The following TMEM14B variants were observed in gnomAD, a reference collection of about 807,000 sequenced individuals.
TMEM14B encodes transmembrane protein 14B.
Under a neutral mutation model 14.8 loss-of-function variants are expected in TMEM14B, and 9 were observed. The observed-to-expected ratio is 0.61, with a 90% CI of 0.37 to 1.06. TMEM14B has a LOEUF of 1.06. TMEM14B is among the 50% of genes least tolerant of loss of function. The pLI, the probability that TMEM14B is intolerant of heterozygous loss-of-function variation, is 0.01. For missense variants in TMEM14B, 128 were observed against 143.6 expected (o/e 0.89, Z 0.56); for synonymous variants, 40 against 51.3 (o/e 0.78, Z 0.94).
chr6:10,751,136 G>A lies in TMEM14B; in HGVS notation c.104G>A (p.Ser35Asn). 6.2e-7 allele frequency: 1 copy of A among 1,613,664 alleles called. No individual in the cohort carries two copies. The highest frequency in any genetic ancestry group is 8.5e-7 in the Non-Finnish European group (1 of 1,179,992). ...AGCTGCGTTTGCTTCCTTCTAGGCA[G>A]CGTGCCGTCCCTGGCTGCAGGGCTG... ...GGIVGYVKTG[S>N]VPSLAAGLLF... Residue 35 changes from serine to asparagine, a missense_variant, in exon 4 of 6, where the codon AGC (serine) becomes AAC (asparagine). Coordinates refer to ENST00000379542, the MANE Select transcript of TMEM14B (RefSeq NM_030969.5).
intron 4 of TMEM14B, among the ~76,000 whole-genome samples, chr6:10,753,080 T>C (rs1424657359): frequency 6.6e-6 from 1 of 151,840 alleles, no homozygotes; most frequent in Non-Finnish European, 1.5e-5. Flanking sequence ...CTACTAAAAA[T>C]ACAAAATTAG....
chr6:10,756,080 TATA>T lies in TMEM14B; in HGVS notation c.294-383_294-381del, dbSNP rs1184148829. ...CTGATCATAGTCGTGATGCTGCCAGTATAATATTTTATACCTGAAGCAAAAGAG... is the reference window on the plus strand; with the variant it reads ...CTGATCATAGTCGTGATGCTGCCAGTATATTTTATACCTGAAGCAAAAGAG... On this transcript the variant is annotated intron_variant, in intron 5 of 5. Coordinates refer to ENST00000379542, the MANE Select transcript of TMEM14B (RefSeq NM_030969.5). Among the ~76,000 whole-genome samples the T allele has an allele frequency of 7.9e-5, 12 of 152,332 alleles. No individual in the cohort carries two copies. The South Asian group carries it at 1.0e-3, about 13-fold the overall frequency.
At chr6:10,748,659 G>A (rs2127493275) in intron 1 of TMEM14B, among the ~76,000 whole-genome samples, 1 of 152,054 alleles carries the variant, frequency 6.6e-6, no homozygotes, top group East Asian at 1.9e-4. Flanking sequence ...TTTTCCAAGG[G>A]TGCAATGTCA....
downstream of TMEM14B, among the ~76,000 whole-genome samples, chr6:10,757,716 C>T (rs1397070984): frequency 3.3e-5 from 5 of 152,194 alleles, no homozygotes; most frequent in East Asian, 5.8e-4. Context: ...AGGAGCTGGG[C>T]GCGGTGGCTC....
Position 10,756,700 on chromosome 6 carries a change from G to T in TMEM14B, c.*182G>T. The T allele has an allele frequency of 7.4e-7, 1 of 1,352,676 alleles. No individual in the cohort carries two copies. The highest frequency in any genetic ancestry group is 9.5e-7 in the Non-Finnish European group (1 of 1,052,208). The allele number at this position is 1,352,676 out of a possible 1,614,324, so 83.8% of individuals were successfully genotyped here. ...TTGTTACCATTATAACCCTACAGAGGTGGTGAGCATGTAACATGAGCTTAT... is the reference window on the plus strand; with the variant it reads ...TTGTTACCATTATAACCCTACAGAGTTGGTGAGCATGTAACATGAGCTTAT... On this transcript the variant is annotated 3_prime_UTR_variant, in exon 6 of 6. Coordinates refer to ENST00000379542, the MANE Select transcript of TMEM14B (RefSeq NM_030969.5).
At position 10,756,613 on chromosome 6, in the gene TMEM14B, G is replaced by C; in HGVS notation, c.*95G>C. The stretch of plus-strand genomic sequence containing the variant: ...TAAGAGAAATAAGTGCAGCATTTTT[G>C]CATCTGACATTTTACCTAAAAAAAA... On this transcript the variant is annotated 3_prime_UTR_variant, in exon 6 of 6. Transcript: ENST00000379542. The C allele has an allele frequency of 2.0e-6, 3 of 1,493,522 alleles. No individual in the cohort carries two copies. The highest frequency in any genetic ancestry group is 1.3e-5 in the South Asian group (1 of 74,976). 92.5% of individuals were successfully genotyped at this position (1,493,522 alleles called of 1,614,324 possible).
At chr6:10,751,803 G>A (rs527427125) in intron 4 of TMEM14B, among the ~76,000 whole-genome samples, 217 of 152,080 alleles carry the variant, frequency 1.4e-3, no homozygotes, top group Non-Finnish European at 2.3e-3. Context: ...AGTAAGACAT[G>A]AGCATAGAAG....
chr6:10,749,402 G>A (rs1771462712), intron 2 of TMEM14B, 134 bp downstream of exon 2: 2 of 1,259,004 alleles, frequency 1.6e-6, no homozygotes, highest in Non-Finnish European at 1.1e-6. Context: ...TGGACCTGTG[G>A]GCCAGAAACT....
chr6:10,758,778 T>C (rs992213312), downstream of TMEM14B, among the ~76,000 whole-genome samples: 1 of 152,104 alleles, frequency 6.6e-6, no homozygotes, highest in African/African-American at 2.4e-5. Flanking sequence ...TGAACTCCTT[T>C]TGTGAGTTGT....
In TMEM14B at chr6:10,756,449, C is replaced by G. The variant is rs150556739; in HGVS notation, c.294-18C>G. 2,335 of 1,613,200 alleles carry G rather than the reference C, an allele frequency of 1.4e-3. 26 individuals carry two copies. The East Asian group carries it at 0.016, about 11-fold the overall frequency. ...CTATCCTTTACCTGATGTTTTCTAT[C>G]TTACTTGTTTTAAACAGTTTGCTGA... On this transcript the variant is annotated intron_variant, in intron 5 of 5. Coordinates refer to ENST00000379542, the MANE Select transcript of TMEM14B (RefSeq NM_030969.5).
chr6:10,753,401 C>T (rs376034343), intron 4 of TMEM14B, among the ~76,000 whole-genome samples: 1 of 152,016 alleles, frequency 6.6e-6, no homozygotes, highest in Admixed American at 6.6e-5. Context: ...TTTACTTGGC[C>T]ATTTAGCAGT....
chr6:10,757,751 G>T (rs778958697), downstream of TMEM14B, among the ~76,000 whole-genome samples: 53 of 152,178 alleles, frequency 3.5e-4, no homozygotes, highest in Non-Finnish European at 1.3e-4. Context: ...AACACTTTGG[G>T]AGGCCGAGAT....
chr6:10,756,513 G>T lies in TMEM14B; in HGVS notation c.340G>T (p.Asp114Tyr). The T allele has an allele frequency of 3.1e-6, 5 of 1,613,452 alleles. No homozygotes were observed. The highest frequency in any genetic ancestry group is 4.2e-6 in the Non-Finnish European group (5 of 1,179,762). The change falls in exon 6 of 6, where the codon GAT (aspartate) becomes TAT (tyrosine). Residue 114 changes from aspartate (D) to tyrosine (Y), a missense_variant. By Grantham distance (160) the Asp-to-Tyr change is radical. Coordinates refer to ENST00000379542, the MANE Select transcript of TMEM14B (RefSeq NM_030969.5). Reference sequence around the variant, plus strand: ...TGGAGTTCGTATGTTGATGACATCTGATTAGCAGAAGTCATGTTCCAGCTT... The same window carrying T: ...TGGAGTTCGTATGTTGATGACATCTTATTAGCAGAAGTCATGTTCCAGCTT... ...KVGVRMLMTS[D>Y]
At chr6:10,749,059 G>T in intron 1 of TMEM14B, 143 bp from the exon 2 acceptor site, 2 of 574,434 alleles carry the variant, frequency 3.5e-6, no homozygotes, top group South Asian at 4.7e-5. Context: ...AACACCCCCA[G>T]GAAATTGGTA....
At chr6:10,747,765 C>A (rs966244618), upstream of TMEM14B, 1 of 152,606 alleles carries the variant, frequency 6.6e-6, no homozygotes. Context: ...TCCCGCCTTT[C>A]TCCCCGCCCT....
chr6:10,748,954 T>C (rs1771442068), intron 1 of TMEM14B, among the ~76,000 whole-genome samples: 1 of 152,248 alleles, frequency 6.6e-6, no homozygotes, highest in South Asian at 2.1e-4. Flanking sequence ...TGGATCTTGC[T>C]GAGTTTCCTG....
intron 5 of TMEM14B, 161 bp downstream of exon 5, chr6:10,755,393 G>T: frequency 1.3e-6 from 2 of 1,514,540 alleles, no homozygotes; most frequent in South Asian, 1.2e-5. Flanking sequence ...AACAATAGTT[G>T]ATTTAATGTC....
intron 4 of TMEM14B, among the ~76,000 whole-genome samples, chr6:10,753,534 GTC>G (rs1771674129): frequency 6.6e-6 from 1 of 150,868 alleles, no homozygotes; most frequent in Non-Finnish European, 1.5e-5. Context: ...GGCTCTTCTT[GTC>G]TACTCACTTG....
At chr6:10,749,120 A>C in intron 1 of TMEM14B, 82 bp from the exon 2 acceptor site, 1 of 855,052 alleles carries the variant, frequency 1.2e-6, no homozygotes. Flanking sequence ...TAGGTTGCAT[A>C]GCCTGCAGGT....
Sources: allele counts gnomAD v4.1 joint callset (sites outside exome capture counted in the v4.1 genomes callset), GRCh38; gene constraint gnomAD v4.1.1; transcripts MANE v1.5; gene names NCBI Gene and HGNC (gene_info 2026-07-23, HGNC 2026-07-21).